Variants in FAM210A observed in about 807,000 individuals in gnomAD.
FAM210A encodes the protein family with sequence similarity 210 member A.
FAM210A carries 13 observed loss-of-function variants against 25.3 expected under a neutral mutation model. The observed-to-expected ratio is 0.51, with a 90% CI of 0.33 to 0.82. FAM210A has a LOEUF of 0.82. FAM210A is among the 40% of genes least tolerant of loss of function. The pLI is 0.02. For missense variants in FAM210A, 319 were observed against 323.2 expected, an observed-to-expected ratio of 0.99 and a Z score of 0.10; for synonymous variants, 125 against 118.7, an observed-to-expected ratio of 1.05 and a Z score of -0.35.
intron 1 of FAM210A, among the ~76,000 whole-genome samples, chr18:13,721,854 G>A (rs1031946084): frequency 6.6e-6 from 1 of 152,158 alleles, no homozygotes; most frequent in Non-Finnish European, 1.5e-5. Context: ...TCAGTAATCT[G>A]TGAGAAGTCT....
chr18:13,675,839 A>T (rs200710712), intron 2 of FAM210A, among the ~76,000 whole-genome samples: 6 of 4,994 alleles, frequency 1.2e-3, no homozygotes, highest in African/African-American at 3.0e-3. Flanking sequence ...TCCTGAGCCC[A>T]GGCTTCTTTA....
At chr18:13,711,065 C>T (rs571351035) in intron 1 of FAM210A, among the ~76,000 whole-genome samples, 5 of 152,232 alleles carry the variant, frequency 3.3e-5, no homozygotes, top group Non-Finnish European at 5.9e-5. Flanking sequence ...CTGTTACCAG[C>T]GAAGTGTCTT....
At chr18:13,678,445 A>C (rs2043523221) in intron 2 of FAM210A, among the ~76,000 whole-genome samples, 1 of 151,898 alleles carries the variant, frequency 6.6e-6, no homozygotes. Context: ...ATGCACCACC[A>C]TGCCTGGCTA....
intron 1 of FAM210A, among the ~76,000 whole-genome samples, chr18:13,703,280 T>C (rs1199846509): frequency 6.6e-6 from 1 of 152,230 alleles, no homozygotes; most frequent in Non-Finnish European, 1.5e-5. Flanking sequence ...GGGGAAACAC[T>C]GAGCTCTGCA....
chr18:13,690,934 C>G (rs373731690), intron 1 of FAM210A, among the ~76,000 whole-genome samples: 1 of 152,100 alleles, frequency 6.6e-6, no homozygotes, highest in South Asian at 2.1e-4. Context: ...AGGCTTCAGA[C>G]GATCGGTAAT....
At chr18:13,699,086 C>T (rs113127967) in intron 1 of FAM210A, among the ~76,000 whole-genome samples, 12 of 152,278 alleles carry the variant, frequency 7.9e-5, no homozygotes, top group Non-Finnish European at 1.5e-4. Flanking sequence ...GGATTACAGG[C>T]GTGAGCCACC....
chr18:13,683,262 T>C (rs974472158), intron 1 of FAM210A, among the ~76,000 whole-genome samples: 4 of 152,242 alleles, frequency 2.6e-5, no homozygotes, highest in African/African-American at 9.6e-5. Context: ...GACTAAGTTA[T>C]CAAGTTATAA....
At chr18:13,686,723 A>G (rs1454508437) in intron 1 of FAM210A, among the ~76,000 whole-genome samples, 1 of 152,258 alleles carries the variant, frequency 6.6e-6, no homozygotes, top group Non-Finnish European at 1.5e-5. Context: ...AAGGAGAAAT[A>G]AAAGACTTTA....
intron 3 of FAM210A, among the ~76,000 whole-genome samples, chr18:13,670,642 A>T (rs956297572): frequency 6.6e-6 from 1 of 152,160 alleles, no homozygotes; most frequent in African/African-American, 2.4e-5. Context: ...TAAACTCCAC[A>T]ATTTACAGTG....
intron 1 of FAM210A, among the ~76,000 whole-genome samples, chr18:13,704,230 T>C (rs897961671): frequency 1.3e-5 from 2 of 152,210 alleles, no homozygotes; most frequent in African/African-American, 4.8e-5. Flanking sequence ...CATGGGAGTG[T>C]AAGTTTTTGC....
intron 1 of FAM210A, among the ~76,000 whole-genome samples, chr18:13,693,523 G>A (rs1253686288): frequency 6.6e-6 from 1 of 152,198 alleles, no homozygotes; most frequent in Non-Finnish European, 1.5e-5. Flanking sequence ...AAATCCAGCA[G>A]CACATCAAAA....
At chr18:13,687,330 C>T (rs2043606074) in intron 1 of FAM210A, among the ~76,000 whole-genome samples, 1 of 152,114 alleles carries the variant, frequency 6.6e-6, no homozygotes, top group East Asian at 1.9e-4. Flanking sequence ...CAGCAATTAT[C>T]ACACTACCTT....
intron 1 of FAM210A, among the ~76,000 whole-genome samples, chr18:13,686,262 G>C (rs1428555888): frequency 1.3e-5 from 2 of 152,118 alleles, no homozygotes; most frequent in African/African-American, 2.4e-5. Flanking sequence ...ATTAAAATGA[G>C]ACCGAAATCA....
chr18:13,722,787 G>C (rs1203017251), intron 1 of FAM210A, among the ~76,000 whole-genome samples: 2 of 152,032 alleles, frequency 1.3e-5, no homozygotes, highest in African/African-American at 4.8e-5. Flanking sequence ...AAACTTTTCA[G>C]GTCACTTATG....
intron 1 of FAM210A, among the ~76,000 whole-genome samples, chr18:13,694,374 T>A (rs537223615): frequency 6.6e-6 from 1 of 152,260 alleles, no homozygotes; most frequent in African/African-American, 2.4e-5. Context: ...TACTTTAAAG[T>A]TCATATGGAA....
At chr18:13,722,247 C>A (rs2043902978) in intron 1 of FAM210A, among the ~76,000 whole-genome samples, 1 of 151,624 alleles carries the variant, frequency 6.6e-6, no homozygotes, top group Non-Finnish European at 1.5e-5. Flanking sequence ...CGCTGTCCCC[C>A]ATGATGGCAA....
chr18:13,679,710 G>GTAT (rs2043534725), intron 2 of FAM210A, among the ~76,000 whole-genome samples: 1 of 152,102 alleles, frequency 6.6e-6, no homozygotes, highest in African/African-American at 2.4e-5. Flanking sequence ...ATGGGGAAGG[G>GTAT]TATTATTTTA....
chr18:13,699,745 G>C (rs1003157850), intron 1 of FAM210A, among the ~76,000 whole-genome samples: 1 of 152,052 alleles, frequency 6.6e-6, no homozygotes, highest in African/African-American at 2.4e-5. Flanking sequence ...CTTTTATCGC[G>C]TGGTATTTAT....
intron 1 of FAM210A, among the ~76,000 whole-genome samples, chr18:13,707,134 C>T (rs1462519491): frequency 1.3e-5 from 2 of 152,294 alleles, no homozygotes; most frequent in Non-Finnish European, 2.9e-5. Context: ...ATGAGGACAC[C>T]ATAACCTATA....
Sources: gnomAD v4.1 joint callset for allele counts (sites outside exome capture counted in the v4.1 genomes callset) on GRCh38, gnomAD v4.1.1 for gene constraint, MANE v1.5 for transcripts, NCBI Gene and HGNC (gene_info 2026-07-23, HGNC 2026-07-21) for gene names.